DOCK1: variants seen among roughly 807,000 people sequenced by gnomAD.
DOCK1 encodes dedicator of cytokinesis protein 1.
In DOCK1, 138 loss-of-function variants were observed where a neutral mutation model predicts 262.7. That is an observed-to-expected ratio of 0.53 (90% CI 0.46 to 0.61). DOCK1 has a LOEUF of 0.61. DOCK1 is among the 20% of genes least tolerant of loss of function. The pLI is 0.00. For synonymous variants in DOCK1, 866 were observed against 867.4 expected (o/e 1.00, Z 0.03); for missense variants, 1,908 against 2,370.7 (o/e 0.80, Z 4.05).
chr10:127,129,611 G>A (rs1362865664), intron 27 of DOCK1, among the ~76,000 whole-genome samples: 4 of 152,178 alleles, frequency 2.6e-5, no homozygotes, highest in East Asian at 1.9e-4. Flanking sequence ...GATGTCCAGC[G>A]TTGACCCCTG....
At chr10:127,031,543 TA>T (rs2043239577) in intron 16 of DOCK1, 106 bp from the exon 17 acceptor site, 1 of 839,402 alleles carries the variant, frequency 1.2e-6, no homozygotes, top group South Asian at 1.7e-5. Flanking sequence ...CCTGTTTGTA[TA>T]ATTTTGTAAT....
At chr10:127,273,925 G>A (rs560689356) in intron 29 of DOCK1, among the ~76,000 whole-genome samples, 18 of 152,012 alleles carry the variant, frequency 1.2e-4, no homozygotes, top group Non-Finnish European at 2.2e-4. Context: ...TTTGGATATG[G>A]GACCTAAAAA....
chr10:127,361,002 T>G (rs1247464659), intron 32 of DOCK1, among the ~76,000 whole-genome samples: 4 of 152,314 alleles, frequency 2.6e-5, no homozygotes, highest in Middle Eastern at 3.4e-3. Flanking sequence ...TATGATCATA[T>G]TCAGTATTAT....
At chr10:127,098,758 A>G (rs2136164073) in intron 23 of DOCK1, among the ~76,000 whole-genome samples, 1 of 152,206 alleles carries the variant, frequency 6.6e-6, no homozygotes, top group East Asian at 1.9e-4. Context: ...GGCAGATAAG[A>G]TTCCACGCAG....
chr10:127,152,573 C>T lies in DOCK1; in HGVS notation c.2847+24809C>T, dbSNP rs570562951. Among the ~76,000 whole-genome samples, 12 of 152,306 alleles carry T rather than the reference C, an allele frequency of 7.9e-5. No homozygotes were observed. In the East Asian group the frequency reaches 2.3e-3, roughly 30 times the overall value. On this transcript the variant is annotated intron_variant, in intron 27 of 51. Coordinates refer to ENST00000623213, the MANE Select transcript of DOCK1 (RefSeq NM_001290223.2). The stretch of plus-strand genomic sequence containing the variant: ...TCAGTAAGGTAGGCTTTCTCAACCT[C>T]AGCACTATTGACATTTGGGACTGGA...
intron 13 of DOCK1, among the ~76,000 whole-genome samples, chr10:127,022,842 C>T (rs2042539164): frequency 6.6e-6 from 1 of 152,126 alleles, no homozygotes; most frequent in Admixed American, 6.5e-5. Context: ...CAGCCGTAGC[C>T]AGCCGTCTAA....
chr10:127,236,798 CCATT>C (rs1212168534), intron 27 of DOCK1, among the ~76,000 whole-genome samples: 1 of 152,024 alleles, frequency 6.6e-6, no homozygotes, highest in Non-Finnish European at 1.5e-5. Context: ...ATCATCACCA[CCATT>C]CATTTATGTA....
At chr10:127,442,151 G>A (rs958862817) in intron 49 of DOCK1, among the ~76,000 whole-genome samples, 1 of 152,242 alleles carries the variant, frequency 6.6e-6, no homozygotes, top group East Asian at 1.9e-4. Flanking sequence ...TAGACCTGTT[G>A]GCCTGGCTCT....
intron 1 of DOCK1, among the ~76,000 whole-genome samples, chr10:126,918,001 G>A (rs958063066): frequency 2.0e-5 from 3 of 152,198 alleles, no homozygotes; most frequent in Non-Finnish European, 4.4e-5. Flanking sequence ...GCATCTGGAC[G>A]AGAGAGACTC....
At chr10:127,070,624 T>C (rs2046174010) in intron 23 of DOCK1, among the ~76,000 whole-genome samples, 1 of 151,758 alleles carries the variant, frequency 6.6e-6, no homozygotes, top group South Asian at 2.1e-4. Context: ...TAGAGTTCAC[T>C]GGCAGGTCAG....
intron 25 of DOCK1, among the ~76,000 whole-genome samples, chr10:127,122,917 T>A (rs544357994): frequency 9.9e-5 from 15 of 152,168 alleles, no homozygotes; most frequent in Non-Finnish European, 1.6e-4. Flanking sequence ...CAATTAGCTC[T>A]GAGAATAGCA....
At chr10:127,238,286 C>CTT (rs2059143674) in intron 27 of DOCK1, among the ~76,000 whole-genome samples, 1 of 152,172 alleles carries the variant, frequency 6.6e-6, no homozygotes, top group African/African-American at 2.4e-5. Flanking sequence ...AAAGTAACTA[C>CTT]TTAAGTGATC....
intron 29 of DOCK1, among the ~76,000 whole-genome samples, chr10:127,332,350 T>G (rs1264543288): frequency 6.6e-6 from 1 of 152,168 alleles, no homozygotes; most frequent in African/African-American, 2.4e-5. Context: ...GCTTAAGCTT[T>G]TATTGATTTG....
At chr10:126,935,402 T>C (rs2034497846) in intron 1 of DOCK1, among the ~76,000 whole-genome samples, 1 of 152,212 alleles carries the variant, frequency 6.6e-6, no homozygotes, top group East Asian at 1.9e-4. Context: ...AGAGGAGTTC[T>C]GGCTTGCATC....
At position 127,175,180 on chromosome 10, in the gene DOCK1, T is replaced by C. The variant is rs1408223639; in HGVS notation, c.2847+47416T>C. The stretch of plus-strand genomic sequence containing the variant: ...TGGACTCTGTGGTGATCAGCCTGCA[T>C]AGCTTCCTAAGACATGGGTGAACAT... On this transcript the variant is annotated intron_variant, in intron 27 of 51. Transcript: ENST00000623213. This position sits in a 1 kb window ranked among gnomAD's most constrained non-coding sequence, Gnocchi z 6.3. 1.3e-6 allele frequency: 2 copies of C among 1,562,524 alleles called. No homozygotes were observed. Among genetic ancestry groups the C allele is most frequent in the African/African-American group, 1.4e-5 (1 of 73,888 alleles).
intron 29 of DOCK1, among the ~76,000 whole-genome samples, chr10:127,258,955 T>C (rs1310491424): frequency 2.0e-5 from 3 of 152,158 alleles, no homozygotes; most frequent in Non-Finnish European, 2.9e-5. Flanking sequence ...TCCTCTGGGT[T>C]TTTCTGCTTT....
intron 29 of DOCK1, among the ~76,000 whole-genome samples, chr10:127,264,387 G>C (rs1168919481): frequency 1.1e-4 from 17 of 152,150 alleles, no homozygotes; most frequent in Non-Finnish European, 4.4e-5. Context: ...TCTTTTTCAG[G>C]CTAGGCTGGG....
At chr10:126,920,449 G>T (rs1043322780) in intron 1 of DOCK1, among the ~76,000 whole-genome samples, 1 of 152,214 alleles carries the variant, frequency 6.6e-6, no homozygotes, top group Non-Finnish European at 1.5e-5. Context: ...TGGGACCCCA[G>T]TGGGGCTCCC....
At chr10:126,945,785 C>G (rs1401014210) in intron 1 of DOCK1, among the ~76,000 whole-genome samples, 1 of 152,216 alleles carries the variant, frequency 6.6e-6, no homozygotes, top group African/African-American at 2.4e-5. Flanking sequence ...GGCTGGCGGT[C>G]GTGAGCAGTT....
Sources: allele counts gnomAD v4.1 joint callset (sites outside exome capture counted in the v4.1 genomes callset), GRCh38; gene constraint gnomAD v4.1.1; non-coding constraint Gnocchi (gnomAD v3.1); transcripts MANE v1.5; gene names NCBI Gene and HGNC (gene_info 2026-07-23, HGNC 2026-07-21).